The following TCERG1L variants were observed in gnomAD, a reference collection of about 807,000 sequenced individuals.
TCERG1L encodes transcription elongation regulator 1 like, also known as transcription elongation regulator 1-like protein.
TCERG1L carries 37 observed loss-of-function variants against 56.3 expected under a neutral mutation model. The ratio of observed to expected loss-of-function variants is 0.66; its 90% confidence interval spans 0.51 to 0.87. TCERG1L has a LOEUF of 0.87. Among genes scored for constraint, TCERG1L ranks in the 40% least tolerant of loss-of-function variants. The pLI is 0.00. For synonymous variants in TCERG1L, 324 were observed against 326.3 expected, an observed-to-expected ratio of 0.99 and a Z score of 0.08; for missense variants, 799 against 774.2, an observed-to-expected ratio of 1.03 and a Z score of -0.38.
chr10:131,248,089 A>C (rs1182080322), intron 4 of TCERG1L, among the ~76,000 whole-genome samples: 4 of 151,932 alleles, frequency 2.6e-5, no homozygotes, highest in Non-Finnish European at 5.9e-5. Flanking sequence ...ATATGCACAC[A>C]CACACATGCA....
chr10:131,156,797 G>C (rs571642799), intron 6 of TCERG1L, among the ~76,000 whole-genome samples: 7 of 151,840 alleles, frequency 4.6e-5, no homozygotes, highest in African/African-American at 1.7e-4. Flanking sequence ...ACCCTCTCAC[G>C]TGCACCCCCT....
chr10:131,247,373 T>C (rs573835387), intron 4 of TCERG1L, among the ~76,000 whole-genome samples: 6 of 152,322 alleles, frequency 3.9e-5, no homozygotes, highest in African/African-American at 1.4e-4. Flanking sequence ...ATTATCACAT[T>C]CTGAAACACG....
chr10:131,115,133 G>C (rs1036968974), intron 9 of TCERG1L, among the ~76,000 whole-genome samples: 1 of 152,256 alleles, frequency 6.6e-6, no homozygotes, highest in African/African-American at 2.4e-5. Flanking sequence ...TGCCGCCAGG[G>C]CATGTGCCGA....
At chr10:131,300,174 A>G (rs1190277850) in intron 3 of TCERG1L, among the ~76,000 whole-genome samples, 2 of 152,176 alleles carry the variant, frequency 1.3e-5, no homozygotes, top group African/African-American at 2.4e-5. Context: ...TCTTTGAATC[A>G]GAAGTTTAAA....
At chr10:131,211,155 G>C (rs1345496997) in intron 4 of TCERG1L, among the ~76,000 whole-genome samples, 1 of 152,214 alleles carries the variant, frequency 6.6e-6, no homozygotes, top group Non-Finnish European at 1.5e-5. Context: ...GGTGGGGCAC[G>C]GTCAGGGCCG....
At chr10:131,172,314 G>A (rs1222705769) in intron 4 of TCERG1L, among the ~76,000 whole-genome samples, 1 of 152,172 alleles carries the variant, frequency 6.6e-6, no homozygotes, top group Non-Finnish European at 1.5e-5. Flanking sequence ...GGGAGGAGGG[G>A]AACCCAGGGA....
intron 4 of TCERG1L, among the ~76,000 whole-genome samples, chr10:131,194,850 A>G (rs988041244): frequency 6.6e-6 from 1 of 152,222 alleles, no homozygotes; most frequent in Non-Finnish European, 1.5e-5. Flanking sequence ...TCCCGGAAAC[A>G]TATGCACATA....
intron 3 of TCERG1L, among the ~76,000 whole-genome samples, chr10:131,301,658 A>T (rs541254981): frequency 4.6e-5 from 7 of 150,628 alleles, no homozygotes; most frequent in Middle Eastern, 3.4e-3. Flanking sequence ...TCTGCTTTTT[A>T]AAAAAAAAAT....
chr10:131,273,428 T>C (rs1012572181), intron 3 of TCERG1L, among the ~76,000 whole-genome samples: 6 of 152,198 alleles, frequency 3.9e-5, no homozygotes, highest in Non-Finnish European at 7.3e-5. Context: ...CCCCGGGCTT[T>C]GCTGCCACAA....
intron 4 of TCERG1L, among the ~76,000 whole-genome samples, chr10:131,194,648 G>A (rs1842574147): frequency 6.6e-6 from 1 of 152,086 alleles, no homozygotes; most frequent in African/African-American, 2.4e-5. Context: ...GATTTCCTCT[G>A]GAAGTTTTAT....
intron 4 of TCERG1L, among the ~76,000 whole-genome samples, chr10:131,247,005 C>T (rs1284514237): frequency 6.6e-6 from 1 of 152,178 alleles, no homozygotes; most frequent in Non-Finnish European, 1.5e-5. Flanking sequence ...CTCTCACCCA[C>T]GACACCGGCG....
rs184035211 is a variant in TCERG1L, at chr10:131,092,902, T to C, written c.*260A>G. 2 of 379,792 alleles carry C rather than the reference T, an allele frequency of 5.3e-6. No homozygotes were observed. The highest frequency in any genetic ancestry group is 9.4e-6 in the Non-Finnish European group (2 of 212,166). 23.5% of individuals were successfully genotyped at this position (379,792 alleles called of 1,614,324 possible). ...GCAGTGGATTGATAATTTGTGTATA[T>C]TACAAGTAATTTGCATAATTAAAAC... is the stretch of plus-strand genomic sequence containing the variant. On this transcript the variant is annotated 3_prime_UTR_variant, in exon 12 of 12. Coordinates refer to ENST00000368642, the MANE Select transcript of TCERG1L (RefSeq NM_174937.4).
At chr10:131,114,551 A>G (rs544149429) in intron 9 of TCERG1L, among the ~76,000 whole-genome samples, 18 of 152,232 alleles carry the variant, frequency 1.2e-4, no homozygotes, top group African/African-American at 4.3e-4. Flanking sequence ...TTCCTGTATA[A>G]TAACCTGGGA....
Position 131,093,303 on chromosome 10 carries a change from C to T in TCERG1L, c.1620G>A (p.Glu540=), listed in dbSNP as rs759543427. Residue 540 remains glutamate (E), a synonymous_variant, in exon 12 of 12, where the codon GAG becomes GAA. Coordinates refer to ENST00000368642, the MANE Select transcript of TCERG1L (RefSeq NM_174937.4). The part of the protein sequence containing the change: ...SKVSPRTTFK[E]FAEKYGRDQR... Reference sequence around the variant, plus strand: ...GATCCCGGCCGTATTTCTCTGCAAACTCCTTAAACGTGGTCCTGAAAAAGA... The same window carrying T: ...GATCCCGGCCGTATTTCTCTGCAAATTCCTTAAACGTGGTCCTGAAAAAGA... 7 of 1,613,722 alleles carry T rather than the reference C, an allele frequency of 4.3e-6. No homozygotes were observed. The Admixed American group carries it at 1.2e-4, about 27-fold the overall frequency.
chr10:131,126,608 T>A (rs1254880814), intron 8 of TCERG1L, among the ~76,000 whole-genome samples: 2 of 152,096 alleles, frequency 1.3e-5, no homozygotes. Flanking sequence ...GGGGACCGTG[T>A]TCATCCAGCT....
At chr10:131,307,262 CTA>C (rs1846826429) in intron 3 of TCERG1L, among the ~76,000 whole-genome samples, 1 of 152,132 alleles carries the variant, frequency 6.6e-6, no homozygotes, top group African/African-American at 2.4e-5. Context: ...TCATTTAGGC[CTA>C]TGAGAAACAC....
At chr10:131,098,897 C>T (rs1238303145) in intron 10 of TCERG1L, among the ~76,000 whole-genome samples, 2 of 152,196 alleles carry the variant, frequency 1.3e-5, no homozygotes, top group Non-Finnish European at 1.5e-5. Flanking sequence ...CCTAGGGTGA[C>T]GTAATTGACA....
At chr10:131,261,263 A>G (rs1213844114) in intron 3 of TCERG1L, among the ~76,000 whole-genome samples, 1 of 152,222 alleles carries the variant, frequency 6.6e-6, no homozygotes, top group Non-Finnish European at 1.5e-5. Context: ...GGTATCTAAG[A>G]AGTATTTTGT....
chr10:131,280,046 G>C (rs76513420), intron 3 of TCERG1L, among the ~76,000 whole-genome samples: 4,095 of 152,316 alleles, frequency 0.027, 78 homozygotes, highest in Non-Finnish European at 0.04. Context: ...TGCCAAGCTT[G>C]AGGATGCATG....
Sources: gnomAD v4.1 joint callset for allele counts (sites outside exome capture counted in the v4.1 genomes callset) on GRCh38, gnomAD v4.1.1 for gene constraint, MANE v1.5 for transcripts, NCBI Gene and HGNC (gene_info 2026-07-23, HGNC 2026-07-21) for gene names.